B3GAT3: variants seen among roughly 807,000 people sequenced by gnomAD.
B3GAT3 encodes the protein galactosylgalactosylxylosylprotein 3-beta-glucuronosyltransferase 3.
Under a neutral mutation model 33.1 loss-of-function variants are expected in B3GAT3, and 19 were observed. The observed-to-expected ratio is 0.57, with a 90% CI of 0.40 to 0.84. B3GAT3 has a LOEUF of 0.84. Among genes scored for constraint, B3GAT3 ranks in the 40% least tolerant of loss-of-function variants. The pLI is 0.00. For missense variants in B3GAT3, 344 were observed against 441.5 expected (o/e 0.78, Z 1.98); for synonymous variants, 167 against 193.5 (o/e 0.86, Z 1.14).
chr11:62,621,564 T>C (rs892717448), intron 1 of B3GAT3, among the ~76,000 whole-genome samples: 13 of 152,072 alleles, frequency 8.5e-5, no homozygotes, highest in African/African-American at 3.1e-4. Flanking sequence ...TTCGAGAAAC[T>C]GTCAGCAAGC....
intron 2 of B3GAT3, among the ~76,000 whole-genome samples, chr11:62,617,891 A>G (rs1943065217): frequency 1.3e-5 from 2 of 149,042 alleles, no homozygotes; most frequent in African/African-American, 5.0e-5. Context: ...AAAAAAAAAA[A>G]AAGGCCGGGC....
intron 2 of B3GAT3, among the ~76,000 whole-genome samples, chr11:62,619,057 A>T (rs1411813362): frequency 6.6e-6 from 1 of 151,672 alleles, no homozygotes; most frequent in Non-Finnish European, 1.5e-5. Flanking sequence ...AGGCTGAGGC[A>T]GGAGAATCGC....
intron 2 of B3GAT3, 165 bp from the exon 3 acceptor site, chr11:62,617,512 C>A: frequency 1.1e-6 from 1 of 895,146 alleles, no homozygotes. Context: ...CTAACACTCA[C>A]CTGCCCTGTT....
intron 2 of B3GAT3, 111 bp downstream of exon 2, chr11:62,620,386 G>T (rs2134436530): frequency 1.0e-6 from 1 of 994,266 alleles, no homozygotes; most frequent in Non-Finnish European, 1.6e-6. Flanking sequence ...CCTGTCTTTG[G>T]CATGCTCTAG....
chr11:62,620,457 T>C (rs767547862), intron 2 of B3GAT3, 40 bp downstream of exon 2: 3 of 1,600,318 alleles, frequency 1.9e-6, no homozygotes, highest in African/African-American at 2.7e-5. Context: ...CTCCAACTTC[T>C]TGGACAACGC....
intron 4 of B3GAT3, chr11:62,616,041 A>G: frequency 3.2e-6 from 4 of 1,245,160 alleles, no homozygotes; most frequent in Non-Finnish European, 3.2e-6. Context: ...CAGGAGATTG[A>G]GACCATCCTG....
chr11:62,620,678 C>A lies in B3GAT3; in HGVS notation c.83-7G>T. Reference sequence around the variant, plus strand: ...AGGCAGTCACATGGCTGGCCTGGTCCCAGGAAGCATTAATGGGGAAAGAAG... The same window carrying A: ...AGGCAGTCACATGGCTGGCCTGGTCACAGGAAGCATTAATGGGGAAAGAAG... On this transcript the variant is annotated splice_region_variant and splice_polypyrimidine_tract_variant and intron_variant, in intron 1 of 4. Coordinates refer to ENST00000265471, the MANE Select transcript of B3GAT3 (RefSeq NM_012200.4). 6.2e-7 allele frequency: 1 copy of A among 1,608,592 alleles called. No individual in the cohort carries two copies. Among genetic ancestry groups the A allele is most frequent in the Non-Finnish European group, 8.5e-7 (1 of 1,176,204 alleles).
At chr11:62,620,723 G>GA (rs745315450) in intron 1 of B3GAT3, 52 bp from the exon 2 acceptor site, 4 of 1,554,222 alleles carry the variant, frequency 2.6e-6, no homozygotes, top group Non-Finnish European at 3.5e-6. Context: ...GAGAACCGCA[G>GA]AATGTTCAGC....
chr11:62,621,519 A>G (rs1297115760), intron 1 of B3GAT3, among the ~76,000 whole-genome samples: 1 of 152,088 alleles, frequency 6.6e-6, no homozygotes, highest in Admixed American at 6.5e-5. Flanking sequence ...AGAGGGAACA[A>G]GTTAAGTGCT....
At chr11:62,621,190 T>C (rs2134438036) in intron 1 of B3GAT3, 1 of 456,130 alleles carries the variant, frequency 2.2e-6, no homozygotes, top group East Asian at 7.0e-5. Flanking sequence ...TATTGAATAC[T>C]CTTCCTAGGA....
chr11:62,616,413 G>A (rs933531120), intron 4 of B3GAT3, 93 bp downstream of exon 4: 21 of 1,555,848 alleles, frequency 1.3e-5, no homozygotes, highest in Non-Finnish European at 1.6e-5. Flanking sequence ...AGTCCCTCCT[G>A]GTTAAACCAC....
chr11:62,620,661 A>G lies in B3GAT3; in HGVS notation c.93T>C (p.Cys31=), dbSNP rs1411941048. 2 of 1,611,214 alleles carry G rather than the reference A, an allele frequency of 1.2e-6. No individual in the cohort carries two copies. Among genetic ancestry groups the G allele is most frequent in the African/African-American group, 2.7e-5 (2 of 74,928 alleles). The change falls in exon 2 of 5, where the codon TGT becomes TGC. Residue 31 remains cysteine (C), a synonymous_variant. Coordinates refer to ENST00000265471, the MANE Select transcript of B3GAT3 (RefSeq NM_012200.4). ...CTGCCCGCAGGGGAGGAAGGCAGTC[A>G]CATGGCTGGCCTGGTCCCAGGAAGC... is the stretch of plus-strand genomic sequence containing the variant. ...LYALVQLGQP[C]DCLPPLRAAA... is the part of the protein sequence containing the mutation.
rs766322777 is a variant in B3GAT3 at position 62,621,976 on chromosome 11, G to A, written c.-29C>T. 2.5e-6 allele frequency: 4 copies of A among 1,612,054 alleles called. No homozygotes were observed. In the Admixed American group the frequency reaches 6.7e-5, roughly 27 times the overall value. ...CGCGCCGCCGCCCGCGCCCGAGCAGGCGGGGTCTGCAGGGGACGAGGGGTT... is the reference window on the plus strand; with the variant it reads ...CGCGCCGCCGCCCGCGCCCGAGCAGACGGGGTCTGCAGGGGACGAGGGGTT... On this transcript the variant is annotated 5_prime_UTR_variant, in exon 1 of 5. Coordinates refer to ENST00000265471, the MANE Select transcript of B3GAT3 (RefSeq NM_012200.4).
At chr11:62,617,888 A>AG in intron 2 of B3GAT3, among the ~76,000 whole-genome samples, 1 of 150,492 alleles carries the variant, frequency 6.6e-6, no homozygotes, top group East Asian at 2.0e-4. Context: ...AAAAAAAAAA[A>AG]AAAAAGGCCG....
At chr11:62,621,845 C>CCCCCG (rs748631545) in intron 1 of B3GAT3, 21 bp downstream of exon 1, 49 of 1,604,642 alleles carry the variant, frequency 3.1e-5, no homozygotes, top group South Asian at 4.4e-5. Flanking sequence ...GCCCGCCGCA[C>CCCCCG]CCCCGCCCCG....
Position 62,621,845 on chromosome 11 carries a change from CCCCCG to C in B3GAT3, c.82+16_82+20del. 5 of 1,604,734 alleles carry C rather than the reference CCCCCG, an allele frequency of 3.1e-6. No individual in the cohort carries two copies. Among genetic ancestry groups the C allele is most frequent in the Non-Finnish European group, 4.3e-6 (5 of 1,176,118 alleles). On this transcript the variant is annotated intron_variant, in intron 1 of 4. Coordinates refer to ENST00000265471, the MANE Select transcript of B3GAT3 (RefSeq NM_012200.4). ...GGCGCCCTCGGGCCAGCCCGCCGCA[CCCCCG>C]CCCCGCCCCGCTCACCGAGCTGTAC...
chr11:62,620,576 G>A lies in B3GAT3; in HGVS notation c.178C>T (p.Arg60Trp), dbSNP rs374687580. The change falls in exon 2 of 5, where the codon CGG becomes TGG. Residue 60 changes from arginine to tryptophan, a missense_variant. Coordinates refer to ENST00000265471, the MANE Select transcript of B3GAT3 (RefSeq NM_012200.4). ...RISQLQAELRRPPPAPAQPPE... is the reference protein window; with the variant it reads ...RISQLQAELRWPPPAPAQPPE... The stretch of plus-strand genomic sequence containing the variant: ...GGCTGGGCAGGGGCAGGGGGTGGCC[G>A]TCGGAGTTCCGCTTGCAGCTGGGAA... 20 of 1,612,360 alleles carry A rather than the reference G, an allele frequency of 1.2e-5. No homozygotes were observed. Among genetic ancestry groups the A allele is most frequent in the South Asian group, 2.2e-5 (2 of 90,810 alleles).
chr11:62,617,792 G>C (rs558424291), intron 2 of B3GAT3, among the ~76,000 whole-genome samples: 1 of 150,762 alleles, frequency 6.6e-6, no homozygotes, highest in Non-Finnish European at 1.5e-5. Flanking sequence ...CAGGAGAATC[G>C]CTTGAACCTG....
chr11:62,617,559 A>G, intron 2 of B3GAT3: 2 of 661,978 alleles, frequency 3.0e-6, no homozygotes, highest in South Asian at 3.5e-5. Context: ...TCAACTCCAG[A>G]GCTCAGGCTG....
Sources: gnomAD v4.1 joint callset for allele counts (sites outside exome capture counted in the v4.1 genomes callset) on GRCh38, gnomAD v4.1.1 for gene constraint, MANE v1.5 for transcripts, NCBI Gene and HGNC (gene_info 2026-07-23, HGNC 2026-07-21) for gene names.